The following TANC2 variants were observed in gnomAD, a reference collection of about 807,000 sequenced individuals.
TANC2 encodes tetratricopeptide repeat, ankyrin repeat and coiled-coil containing 2.
Under a neutral mutation model 210.5 loss-of-function variants are expected in TANC2, and 26 were observed. That is an observed-to-expected ratio of 0.12 (90% CI 0.09 to 0.17). The LOEUF (loss-of-function observed/expected upper bound fraction) is 0.17. Among genes scored for constraint, TANC2 ranks in the 10% least tolerant of loss-of-function variants. TANC2 has a pLI of 1.00. For missense variants in TANC2, 2,129 were observed against 2,608.9 expected (o/e 0.82, Z 4.01); for synonymous variants, 931 against 967.1 (o/e 0.96, Z 0.69).
At chr17:63,375,682 C>A (rs1598972838) in intron 14 of TANC2, among the ~76,000 whole-genome samples, 1 of 152,208 alleles carries the variant, frequency 6.6e-6, no homozygotes, top group Non-Finnish European at 1.5e-5. Flanking sequence ...ATTTTGAGAT[C>A]TTGAGAGTAA....
In TANC2 at chr17:63,043,915, C is replaced by A. The variant is rs184379755; in HGVS notation, c.68-30028C>A. ...CTGTACTCCCCAAAATGGCTGCCAA[C>A]ATCTATCAGTCATCAAGCCCAGTTG... On this transcript the variant is annotated intron_variant, in intron 2 of 27. Coordinates refer to ENST00000689528, the Ensembl canonical transcript of TANC2. Among the ~76,000 whole-genome samples, 20 of 152,194 alleles carry A rather than the reference C, an allele frequency of 1.3e-4. No homozygotes were observed. In the East Asian group the frequency reaches 1.5e-3, roughly 12 times the overall value.
chr17:63,208,126 ATTTTAATGTAGTCAAG>A (rs1403290057), intron 7 of TANC2, among the ~76,000 whole-genome samples: 1 of 152,030 alleles, frequency 6.6e-6, no homozygotes, highest in Non-Finnish European at 1.5e-5. Flanking sequence ...GGAAGCCTTA[ATTTTAATGTAGTCAAG>A]TTTTTTTGTT....
chr17:63,260,271 TC>T (rs1409242445), intron 8 of TANC2, among the ~76,000 whole-genome samples: 1 of 152,180 alleles, frequency 6.6e-6, no homozygotes, highest in Non-Finnish European at 1.5e-5. Flanking sequence ...TCTGAATAGA[TC>T]AGGATTCAGC....
chr17:63,206,914 G>T (rs1240993207), intron 7 of TANC2, among the ~76,000 whole-genome samples: 1 of 152,028 alleles, frequency 6.6e-6, no homozygotes, highest in Admixed American at 6.6e-5. Flanking sequence ...ATTTTTAAAA[G>T]AATATTTATT....
chr17:63,322,793 C>T (rs1261740118), intron 11 of TANC2, among the ~76,000 whole-genome samples: 1 of 152,166 alleles, frequency 6.6e-6, no homozygotes, highest in Non-Finnish European at 1.5e-5. Context: ...TATTCTTTCT[C>T]TCATCAAGAG....
chr17:63,042,535 AGT>A (rs888576919), intron 2 of TANC2, among the ~76,000 whole-genome samples: 30 of 152,242 alleles, frequency 2.0e-4, no homozygotes, highest in African/African-American at 7.0e-4. Context: ...TTGTTGAAAG[AGT>A]GTTAAAAAGT....
intron 7 of TANC2, among the ~76,000 whole-genome samples, chr17:63,220,847 TAC>T (rs2042167266): frequency 1.3e-5 from 2 of 149,338 alleles, no homozygotes; most frequent in African/African-American, 4.9e-5. Context: ...TGTGTGTATA[TAC>T]GTATATACGT....
intron 2 of TANC2, among the ~76,000 whole-genome samples, chr17:63,058,503 A>G (rs966234149): frequency 3.3e-5 from 5 of 152,122 alleles, no homozygotes; most frequent in East Asian, 3.8e-4. Flanking sequence ...GCCAGTTCCT[A>G]TGTCCAGAAT....
At chr17:63,332,854 AT>A (rs2045903624) in intron 11 of TANC2, among the ~76,000 whole-genome samples, 1 of 152,174 alleles carries the variant, frequency 6.6e-6, no homozygotes, top group Non-Finnish European at 1.5e-5. Flanking sequence ...CTTAAGAATG[AT>A]GCTAAATCTA....
At chr17:63,331,733 A>G (rs1257838190) in intron 11 of TANC2, among the ~76,000 whole-genome samples, 1 of 152,152 alleles carries the variant, frequency 6.6e-6, no homozygotes, top group African/African-American at 2.4e-5. Context: ...TACGTAGACA[A>G]TCTCTCCTAT....
chr17:63,352,603 C>G (rs756977480), intron 13 of TANC2, among the ~76,000 whole-genome samples: 7 of 152,160 alleles, frequency 4.6e-5, no homozygotes, highest in Non-Finnish European at 1.0e-4. Flanking sequence ...TATCCTCATA[C>G]ATATTCTCAC....
intron 1 of TANC2, among the ~76,000 whole-genome samples, chr17:62,987,075 A>C (rs2032606576): frequency 6.6e-6 from 1 of 152,134 alleles, no homozygotes. Context: ...CAGAGACTTG[A>C]GGGCCTCTCC....
chr17:63,032,149 A>G (rs189768284), intron 2 of TANC2, among the ~76,000 whole-genome samples: 254 of 152,312 alleles, frequency 1.7e-3, no homozygotes, highest in Admixed American at 2.9e-3. Flanking sequence ...TTCAAATAGT[A>G]GAACATAGCT....
chr17:63,200,373 A>AAAAG (rs1567808998), intron 6 of TANC2, among the ~76,000 whole-genome samples: 4 of 149,742 alleles, frequency 2.7e-5, no homozygotes, highest in East Asian at 1.9e-4. Flanking sequence ...AAAAAAAAAA[A>AAAAG]AAAGAAAGAA....
intron 9 of TANC2, among the ~76,000 whole-genome samples, chr17:63,276,925 A>G (rs1399632149): frequency 6.6e-6 from 1 of 152,168 alleles, no homozygotes; most frequent in Non-Finnish European, 1.5e-5. Flanking sequence ...GCAATCGGTA[A>G]TACAGTAATA....
intron 8 of TANC2, among the ~76,000 whole-genome samples, chr17:63,258,611 C>T (rs1377490656): frequency 6.6e-6 from 1 of 152,112 alleles, no homozygotes; most frequent in Non-Finnish European, 1.5e-5. Flanking sequence ...TAGAAGGAGT[C>T]TCAACACCCC....
intron 9 of TANC2, among the ~76,000 whole-genome samples, chr17:63,311,680 T>C (rs2045129919): frequency 6.6e-6 from 1 of 152,212 alleles, no homozygotes; most frequent in Admixed American, 6.5e-5. Context: ...ACATAAAAGT[T>C]GTACATGAAT....
At chr17:63,172,950 A>G (rs2040453778) in intron 5 of TANC2, among the ~76,000 whole-genome samples, 1 of 152,132 alleles carries the variant, frequency 6.6e-6, no homozygotes, top group African/African-American at 2.4e-5. Context: ...ATTGTTTTAA[A>G]TTTCTGCTAA....
At chr17:63,189,498 T>G (rs1158893733) in intron 5 of TANC2, among the ~76,000 whole-genome samples, 1 of 152,242 alleles carries the variant, frequency 6.6e-6, no homozygotes, top group Non-Finnish European at 1.5e-5. Context: ...GCATTTCCCT[T>G]AATGACTAAT....
Sources: gnomAD v4.1 joint callset for allele counts (sites outside exome capture counted in the v4.1 genomes callset) on GRCh38, gnomAD v4.1.1 for gene constraint, MANE v1.5 for transcripts, NCBI Gene and HGNC (gene_info 2026-07-23, HGNC 2026-07-21) for gene names.